The following AGAP2 variants were observed in gnomAD, a reference collection of about 807,000 sequenced individuals.
AGAP2 encodes the protein ArfGAP with GTPase domain, ankyrin repeat and PH domain 2.
A neutral mutation model predicts 110.9 loss-of-function variants in AGAP2; 32 were observed. That is an observed-to-expected ratio of 0.29 (90% CI 0.22 to 0.39). The LOEUF (loss-of-function observed/expected upper bound fraction) is 0.39, where lower values mean the gene tolerates loss of function less well. Among genes scored for constraint, AGAP2 ranks in the 10% least tolerant of loss-of-function variants. AGAP2 has a pLI of 1.00. For missense variants in AGAP2, 1,285 were observed against 1,638.5 expected, an observed-to-expected ratio of 0.78 and a Z score of 3.72; for synonymous variants, 702 against 713.0, an observed-to-expected ratio of 0.98 and a Z score of 0.25.
rs1440724913 is a variant in AGAP2, at chr12:57,725,933, C to G, written c.*619G>C. 1 of 151,886 alleles carries G rather than the reference C, an allele frequency of 6.6e-6. No homozygotes were observed. The highest frequency in any genetic ancestry group is 1.5e-5 in the Non-Finnish European group (1 of 67,964). The allele number at this position is 151,886 out of a possible 1,614,324, so 9.4% of individuals were successfully genotyped here. On this transcript the variant is annotated 3_prime_UTR_variant, in exon 19 of 19. Transcript: ENST00000547588. The stretch of plus-strand genomic sequence containing the variant: ...ACCCATGGGTAGGTGTAGGGGACGT[C>G]CTGGTTTCCACTACTCACGGTCCCT...
Position 57,738,351 on chromosome 12 carries a change from C to A in AGAP2, c.-105G>T. 1 of 1,255,772 alleles carries A rather than the reference C, an allele frequency of 8.0e-7. No homozygotes were observed. The highest frequency in any genetic ancestry group is 3.1e-4 in the Middle Eastern group (1 of 3,252). 77.8% of individuals were successfully genotyped at this position (1,255,772 alleles called of 1,614,324 possible). A position where few individuals can be genotyped will look rare whatever the true frequency, so the allele number is the denominator to read the frequency against. ...CTGCTCGCTGCCCCCAGCCCCCGGA[C>A]CCCGCTGAGCCCCCGGCCCGGCTCC... On this transcript the variant is annotated 5_prime_UTR_variant, in exon 1 of 19. Transcript: ENST00000547588. The surrounding 1 kb of genome is among the most constrained non-coding windows in gnomAD (Gnocchi z 6.7).
In AGAP2 at chr12:57,728,371, C is replaced by A; in HGVS notation, c.2564G>T (p.Arg855Leu). ...AAAGGATTTTAGTTTCCACATTTTG[C>A]GCTTGGCTGGTTTCCCGAAGCGAAG... Reference protein sequence around the residue: ...EGSAGQAEAKRKMWKLKSFGS... With the variant: ...EGSAGQAEAKLKMWKLKSFGS... The change falls in exon 14 of 19, where the codon CGC becomes CTC. Residue 855 changes from arginine to leucine, a missense_variant. Physicochemically the swap from Arg to Leu is moderately radical, Grantham distance 102 (BLOSUM62 -2). This residue lies in a region of AGAP2 where 135 missense variants were observed against 182.0 expected (regional missense o/e 0.74). Coordinates refer to ENST00000547588, the MANE Select transcript of AGAP2 (RefSeq NM_001122772.3). 6.2e-7 allele frequency: 1 copy of A among 1,613,900 alleles called. No homozygotes were observed. The highest frequency in any genetic ancestry group is 8.5e-7 in the Non-Finnish European group (1 of 1,179,864).
intron 13 of AGAP2, 111 bp from the exon 14 acceptor site, chr12:57,728,488 G>T: frequency 9.0e-7 from 1 of 1,116,256 alleles, no homozygotes; most frequent in Non-Finnish European, 1.3e-6. Flanking sequence ...GAGAGAGATA[G>T]TGACAGAGTG....
At chr12:57,734,445 C>T (rs1286538689) in intron 3 of AGAP2, 41 bp from the exon 4 acceptor site, 1 of 1,609,552 alleles carries the variant, frequency 6.2e-7, no homozygotes, top group Non-Finnish European at 8.5e-7. Flanking sequence ...TCAGAGGTGA[C>T]AGGTCACCAA....
chr12:57,742,127 G>A (rs1038657941), upstream of AGAP2: 11 of 1,578,068 alleles, frequency 7.0e-6, no homozygotes, highest in South Asian at 1.1e-5. Flanking sequence ...GAGGCCCATG[G>A]CCCTACAGCC....
At chr12:57,739,008 C>T (rs1049118051), upstream of AGAP2, among the ~76,000 whole-genome samples, 1 of 150,302 alleles carries the variant, frequency 6.7e-6, no homozygotes, top group Non-Finnish European at 1.5e-5. Context: ...ATCTCCCCCC[C>T]ACCTTTTCTC....
In AGAP2 at chr12:57,726,651, G is replaced by T. The variant is rs773769385; in HGVS notation, c.3480C>A (p.Ser1160Arg). The T allele has an allele frequency of 8.3e-7, 1 of 1,200,982 alleles. No homozygotes were observed. Among genetic ancestry groups the T allele is most frequent in the Non-Finnish European group, 1.0e-6 (1 of 968,288 alleles). 74.4% of individuals were successfully genotyped at this position (1,200,982 alleles called of 1,614,324 possible). The change falls in exon 19 of 19, where the codon AGC becomes AGA. Residue 1160 changes from serine to arginine, a missense_variant. Coordinates refer to ENST00000547588, the MANE Select transcript of AGAP2 (RefSeq NM_001122772.3). The surrounding 1 kb of genome is among the most constrained non-coding windows in gnomAD (Gnocchi z 5.7). ...GEGGSAATTP[S>R]AATTPSITAT... ...CGGTGATGCTGGGCGTGGTGGCCGC[G>T]CTGGGCGTGGTGGCCGCGCTGCCGC...
chr12:57,731,317 T>G, intron 10 of AGAP2, 49 bp downstream of exon 10: 1 of 1,477,898 alleles, frequency 6.8e-7, no homozygotes, highest in Non-Finnish European at 9.5e-7. Flanking sequence ...CAGGTAGAAC[T>G]TGAGGGAAAT....
chr12:57,730,135 A>C (rs1156326925), intron 12 of AGAP2, among the ~76,000 whole-genome samples: 2 of 151,784 alleles, frequency 1.3e-5, no homozygotes, highest in African/African-American at 2.4e-5. Context: ...TTTTTTTTCA[A>C]ACATGTCAAA....
chr12:57,731,699 G>A (rs904723963), intron 8 of AGAP2, 57 bp from the exon 9 acceptor site: 6 of 1,607,578 alleles, frequency 3.7e-6, no homozygotes, highest in Admixed American at 3.4e-5. Flanking sequence ...CTGATGTGAC[G>A]ATAGGGAAGA....
Position 57,725,215 on chromosome 12 carries a change from C to T in AGAP2, c.*1337G>A, listed in dbSNP as rs1487915427. 6.6e-6 allele frequency: 1 copy of T among 152,538 alleles called. No homozygotes were observed. Among genetic ancestry groups the T allele is most frequent in the African/African-American group, 2.4e-5 (1 of 41,400 alleles). The allele number at this position is 152,538 out of a possible 1,614,324, so 9.4% of individuals were successfully genotyped here. A position where few individuals can be genotyped will look rare whatever the true frequency, so the allele number is the denominator to read the frequency against. ...CACCCCCTAGACAAAATCACTTCCT[C>T]TTTAATTGCTGTTGAAGAAGATTCA... On this transcript the variant is annotated 3_prime_UTR_variant, in exon 19 of 19. Transcript: ENST00000547588.
At position 57,726,967 on chromosome 12, in the gene AGAP2, C is replaced by T. The variant is rs1954778415; in HGVS notation, c.3336+7G>A. 1.3e-6 allele frequency: 2 copies of T among 1,559,956 alleles called. No individual in the cohort carries two copies. The highest frequency in any genetic ancestry group is 2.7e-5 in the African/African-American group (2 of 73,838). On this transcript the variant is annotated splice_region_variant and intron_variant, in intron 18 of 18. Transcript: ENST00000547588. The surrounding 1 kb of genome is among the most constrained non-coding windows in gnomAD (Gnocchi z 5.7). ...AAGACCCCCTTTCCTCCCCCCAGCTCACGTACCCACAGCAGCAGTTGCGTG... is the reference window on the plus strand; with the variant it reads ...AAGACCCCCTTTCCTCCCCCCAGCTTACGTACCCACAGCAGCAGTTGCGTG...
intron 6 of AGAP2, 104 bp from the exon 7 acceptor site, chr12:57,732,616 T>C: frequency 7.6e-7 from 1 of 1,307,678 alleles, no homozygotes; most frequent in Non-Finnish European, 1.1e-6. Flanking sequence ...AGGACCCAAC[T>C]TCCTTGTCAC....
At position 57,726,904 on chromosome 12, in the gene AGAP2, G is replaced by A; in HGVS notation, c.3336+70C>T. On this transcript the variant is annotated intron_variant, in intron 18 of 18. Coordinates refer to ENST00000547588, the MANE Select transcript of AGAP2 (RefSeq NM_001122772.3). This position sits in a 1 kb window ranked among gnomAD's most constrained non-coding sequence, Gnocchi z 5.7. ...TCCGGGGTCCCTCTGGGAATTTCGGGCTTTCCCGCGCCAGGCGTTTTCCGA... is the reference window on the plus strand; with the variant it reads ...TCCGGGGTCCCTCTGGGAATTTCGGACTTTCCCGCGCCAGGCGTTTTCCGA... 6.7e-7 allele frequency: 1 copy of A among 1,483,454 alleles called. No homozygotes were observed. Among genetic ancestry groups the A allele is most frequent in the South Asian group, 1.4e-5 (1 of 73,140 alleles). 91.9% of individuals were successfully genotyped at this position (1,483,454 alleles called of 1,614,324 possible). A position where few individuals can be genotyped will look rare whatever the true frequency, so the allele number is the denominator to read the frequency against.
Position 57,737,326 on chromosome 12 carries a change from A to C in AGAP2, c.921T>G (p.Ala307=). 6.2e-7 allele frequency: 1 copy of C among 1,613,824 alleles called. No individual in the cohort carries two copies. The highest frequency in any genetic ancestry group is 8.5e-7 in the Non-Finnish European group (1 of 1,179,808). ...CAGGCCCGGGGGGCTGCGCGGAAGC[A>C]GCGGTGACAGCAGTGGCTGGACTCG... The part of the protein sequence containing the change: ...PTPSPATAVT[A]ASAQPPGPAP... Residue 307 remains alanine (A), a synonymous_variant, in exon 1 of 19, where the codon GCT becomes GCG. Coordinates refer to ENST00000547588, the MANE Select transcript of AGAP2 (RefSeq NM_001122772.3). This position sits in a 1 kb window ranked among gnomAD's most constrained non-coding sequence, Gnocchi z 5.9.
rs1439651441 is a variant in AGAP2 at position 57,738,346 on chromosome 12, C to T, written c.-100G>A. 2.3e-6 allele frequency: 3 copies of T among 1,288,322 alleles called. No individual in the cohort carries two copies. In the African/African-American group the frequency reaches 4.7e-5, roughly 20 times the overall value. The allele number at this position is 1,288,322 out of a possible 1,614,324, so 79.8% of individuals were successfully genotyped here. On this transcript the variant is annotated 5_prime_UTR_variant, in exon 1 of 19. Coordinates refer to ENST00000547588, the MANE Select transcript of AGAP2 (RefSeq NM_001122772.3). The surrounding 1 kb of genome is among the most constrained non-coding windows in gnomAD (Gnocchi z 6.7). ...CCGCCCTGCTCGCTGCCCCCAGCCC[C>T]CGGACCCCGCTGAGCCCCCGGCCCG...
At position 57,732,425 on chromosome 12, in the gene AGAP2, G is replaced by A; in HGVS notation, c.1772C>T (p.Ala591Val). ...CACCTGGCCAGCTACCGGAGTGGATGCAGCTGAGTGGCTTGGGGAGCTGGG... is the reference window on the plus strand; with the variant it reads ...CACCTGGCCAGCTACCGGAGTGGATACAGCTGAGTGGCTTGGGGAGCTGGG... Reference protein sequence around the residue: ...SLPSSPSHSAASTPVAGQASN... With the variant: ...SLPSSPSHSAVSTPVAGQASN... Residue 591 changes from alanine to valine, a missense_variant, in exon 7 of 19, where the codon GCA (alanine) becomes GTA (valine). Coordinates refer to ENST00000547588, the MANE Select transcript of AGAP2 (RefSeq NM_001122772.3). 6.2e-7 allele frequency: 1 copy of A among 1,606,148 alleles called. No individual in the cohort carries two copies. Among genetic ancestry groups the A allele is most frequent in the Non-Finnish European group, 8.5e-7 (1 of 1,175,948 alleles).
At position 57,738,180 on chromosome 12, in the gene AGAP2, TA is replaced by T; in HGVS notation, c.66del (p.Lys23SerfsTer105). The T allele has an allele frequency of 6.6e-7, 1 of 1,525,252 alleles. No individual in the cohort carries two copies. Among genetic ancestry groups the T allele is most frequent in the African/African-American group, 1.4e-5 (1 of 71,216 alleles). The allele number at this position is 1,525,252 out of a possible 1,614,324, so 94.5% of individuals were successfully genotyped here. ...GGCGGCGGAGGCACCGACTCGAGCT[TA>T]ACCAGGGTCAGCGAGATGAGGTAGG... is the stretch of plus-strand genomic sequence containing the variant. ...TTTYLISLTLVKLESVPPPPP... is the reference protein window; with the variant it reads ...TTTYLISLTLXKLESVPPPPP... On this transcript the variant is annotated frameshift_variant, in exon 1 of 19. Transcript: ENST00000547588. LOFTEE classifies it high-confidence loss of function. The surrounding 1 kb of genome is among the most constrained non-coding windows in gnomAD (Gnocchi z 6.7).
Position 57,726,757 on chromosome 12 carries a change from C to T in AGAP2, c.3374G>A (p.Arg1125His). 1 of 1,338,010 alleles carries T rather than the reference C, an allele frequency of 7.5e-7. No individual in the cohort carries two copies. Among genetic ancestry groups the T allele is most frequent in the Non-Finnish European group, 9.5e-7 (1 of 1,048,360 alleles). The allele number at this position is 1,338,010 out of a possible 1,614,324, so 82.9% of individuals were successfully genotyped here. The change falls in exon 19 of 19, where the codon CGC becomes CAC. Residue 1125 changes from arginine (R) to histidine (H), a missense_variant. Coordinates refer to ENST00000547588, the MANE Select transcript of AGAP2 (RefSeq NM_001122772.3). This position sits in a 1 kb window ranked among gnomAD's most constrained non-coding sequence, Gnocchi z 5.7. ...CTGGCGGGCGTAGAACAGCGCCGTG[C>T]GGCCCTGGGCGTCACGGGCCGCCAC... ...ADVAARDAQG[R>H]TALFYARQAG...
Sources: gnomAD v4.1 joint callset for allele counts (sites outside exome capture counted in the v4.1 genomes callset) on GRCh38, gnomAD v4.1.1 for gene constraint, gnomAD v4.1.1 regional missense constraint, Gnocchi (gnomAD v3.1) non-coding constraint, MANE v1.5 for transcripts, NCBI Gene and HGNC (gene_info 2026-07-23, HGNC 2026-07-21) for gene names.